Variants in TOP6BL observed in about 807,000 individuals in gnomAD.
TOP6BL encodes type 2 DNA topoisomerase 6 subunit B-like.
At chr11:66,841,510 C>T in the TOP6BL span, among the ~76,000 whole-genome samples, 1 of 152,318 alleles carries the variant, frequency 6.6e-6, no homozygotes, top group East Asian at 1.9e-4. Flanking sequence ...TCTCCACTGT[C>T]TTTACTTGTT....
At chr11:66,790,963 C>T in the TOP6BL span, among the ~76,000 whole-genome samples, 1 of 152,136 alleles carries the variant, frequency 6.6e-6, no homozygotes, top group Non-Finnish European at 1.5e-5. Context: ...ACGGCATTAG[C>T]CTCAAGGGAA....
At chr11:66,760,236 G>A in the TOP6BL span, among the ~76,000 whole-genome samples, 1 of 137,566 alleles carries the variant, frequency 7.3e-6, no homozygotes. Context: ...GATTACCTAG[G>A]TCAGGAGTTC....
the TOP6BL span, chr11:66,838,225 T>C: frequency 1.5e-6 from 1 of 653,762 alleles, no homozygotes. Context: ...GGTAGGGGGA[T>C]TCATGAGCCA....
the TOP6BL span, among the ~76,000 whole-genome samples, chr11:66,778,858 G>A: frequency 2.0e-5 from 3 of 152,012 alleles, no homozygotes; most frequent in Non-Finnish European, 4.4e-5. Flanking sequence ...AAATAATGAC[G>A]CATATCTACA....
At chr11:66,746,780 G>A in the TOP6BL span, among the ~76,000 whole-genome samples, 1 of 151,922 alleles carries the variant, frequency 6.6e-6, no homozygotes, top group Non-Finnish European at 1.5e-5. Flanking sequence ...GGAGGCTGAG[G>A]TGGGAGGATC....
chr11:66,757,971 A>T, the TOP6BL span: 1 of 189,488 alleles, frequency 5.3e-6, no homozygotes, highest in Non-Finnish European at 9.8e-6. Flanking sequence ...CAGTTTACAG[A>T]ATGATGTTGC....
the TOP6BL span, among the ~76,000 whole-genome samples, chr11:66,756,880 T>C: frequency 6.6e-6 from 1 of 151,928 alleles, no homozygotes; most frequent in Non-Finnish European, 1.5e-5. Flanking sequence ...CCTGCTAATT[T>C]TTGTATTTTT....
chr11:66,770,438 T>C, the TOP6BL span, among the ~76,000 whole-genome samples: 2 of 152,092 alleles, frequency 1.3e-5, no homozygotes, highest in Non-Finnish European at 2.9e-5. Flanking sequence ...GCACGGTGGC[T>C]CATGCCTGTA....
chr11:66,796,060 G>A, the TOP6BL span: 19 of 463,872 alleles, frequency 4.1e-5, no homozygotes, highest in Non-Finnish European at 6.2e-5. Flanking sequence ...CTTTATTCTC[G>A]TGTCTTCTGA....
the TOP6BL span, among the ~76,000 whole-genome samples, chr11:66,745,589 G>A: frequency 4.6e-5 from 7 of 152,204 alleles, no homozygotes; most frequent in African/African-American, 1.4e-4. Flanking sequence ...TTTGTGAGGG[G>A]TACTGGGCAG....
chr11:66,822,540 C>T, the TOP6BL span: 1 of 1,435,960 alleles, frequency 7.0e-7, no homozygotes, highest in Non-Finnish European at 9.6e-7. Flanking sequence ...ATGCAGTCTC[C>T]CCCTTACTTG....
the TOP6BL span, among the ~76,000 whole-genome samples, chr11:66,796,785 GAAAA>G: frequency 1.0e-5 from 1 of 95,436 alleles, no homozygotes; most frequent in African/African-American, 3.7e-5. Flanking sequence ...CCTGTCTTTG[GAAAA>G]AAAAAAAAAA....
chr11:66,827,456 A>C, the TOP6BL span, among the ~76,000 whole-genome samples: 1 of 152,154 alleles, frequency 6.6e-6, no homozygotes, highest in African/African-American at 2.4e-5. Context: ...TTATATATTT[A>C]AAAGTAGAAA....
At chr11:66,809,572 A>G in the TOP6BL span, among the ~76,000 whole-genome samples, 53 of 152,350 alleles carry the variant, frequency 3.5e-4, no homozygotes, top group African/African-American at 1.2e-3. Context: ...ATTCAGTGGC[A>G]TGATTGTTAG....
chr11:66,771,902 G>T, the TOP6BL span, among the ~76,000 whole-genome samples: 1 of 152,114 alleles, frequency 6.6e-6, no homozygotes, highest in Admixed American at 6.6e-5. Flanking sequence ...AACAGCTCAT[G>T]GTTCAAGAAG....
the TOP6BL span, among the ~76,000 whole-genome samples, chr11:66,754,800 G>T: frequency 6.6e-6 from 1 of 152,068 alleles, no homozygotes; most frequent in Non-Finnish European, 1.5e-5. Flanking sequence ...TTTGATTCTC[G>T]TCCCAAAGAT....
At chr11:66,758,088 G>A in the TOP6BL span, 4 of 965,988 alleles carry the variant, frequency 4.1e-6, no homozygotes, top group Non-Finnish European at 4.9e-6. Flanking sequence ...ATGATTCTTA[G>A]ATTCTGAACT....
At chr11:66,837,665 G>A in the TOP6BL span, among the ~76,000 whole-genome samples, 3 of 142,686 alleles carry the variant, frequency 2.1e-5, no homozygotes, top group Admixed American at 7.0e-5. Flanking sequence ...GGCTAGTCTC[G>A]AACTCCTTAC....
the TOP6BL span, among the ~76,000 whole-genome samples, chr11:66,746,735 G>T: frequency 3.3e-5 from 5 of 151,462 alleles, no homozygotes; most frequent in African/African-American, 1.2e-4. Context: ...AATTAGCAGG[G>T]TGTGGTGGCA....
Sources: allele counts gnomAD v4.1 joint callset (sites outside exome capture counted in the v4.1 genomes callset), GRCh38; gene constraint gnomAD v4.1.1; transcripts MANE v1.5; gene names NCBI Gene and HGNC (gene_info 2026-07-23, HGNC 2026-07-21).